PRKAR2B: variants seen among roughly 807,000 people sequenced by gnomAD.
The protein encoded by PRKAR2B is cAMP-dependent protein kinase type II-beta regulatory subunit.
Under a neutral mutation model 49.9 loss-of-function variants are expected in PRKAR2B, and 14 were observed. That is an observed-to-expected ratio of 0.28 (90% CI 0.19 to 0.44). The LOEUF (loss-of-function observed/expected upper bound fraction) is 0.44. Ranked by LOEUF, PRKAR2B falls within the 20% of genes least tolerant of loss-of-function variation. The pLI is 1.00. For synonymous variants in PRKAR2B, 196 were observed against 197.7 expected, an observed-to-expected ratio of 0.99 and a Z score of 0.07; for missense variants, 393 against 537.9, an observed-to-expected ratio of 0.73 and a Z score of 2.67.
chr7:107,064,004 A>G (rs1794079396), intron 1 of PRKAR2B, among the ~76,000 whole-genome samples: 1 of 152,154 alleles, frequency 6.6e-6, no homozygotes, highest in African/African-American at 2.4e-5. Flanking sequence ...GAGAAGCAGA[A>G]AGTGAATTTA....
intron 3 of PRKAR2B, among the ~76,000 whole-genome samples, chr7:107,125,692 C>G (rs1281389472): frequency 6.6e-6 from 1 of 152,070 alleles, no homozygotes; most frequent in Non-Finnish European, 1.5e-5. Context: ...AGAGTGGACT[C>G]TGAGTGCTGA....
intron 1 of PRKAR2B, among the ~76,000 whole-genome samples, chr7:107,066,352 G>A (rs1005761266): frequency 2.0e-5 from 3 of 148,950 alleles, no homozygotes; most frequent in Admixed American, 1.3e-4. Context: ...AATATCCACA[G>A]AATAAGAAAA....
chr7:107,078,869 A>G (rs1794459045), intron 2 of PRKAR2B, among the ~76,000 whole-genome samples: 1 of 152,226 alleles, frequency 6.6e-6, no homozygotes, highest in South Asian at 2.1e-4. Flanking sequence ...AGAAAGGAAG[A>G]TAGTGAAAGC....
At chr7:107,150,747 G>A (rs1440893741) in intron 6 of PRKAR2B, among the ~76,000 whole-genome samples, 175 bp from the exon 7 acceptor site, 1 of 148,550 alleles carries the variant, frequency 6.7e-6, no homozygotes, top group Non-Finnish European at 1.5e-5. Flanking sequence ...ATGTGGTTCT[G>A]TATTATATTT....
At chr7:107,147,031 G>T (rs1795906116) in intron 6 of PRKAR2B, among the ~76,000 whole-genome samples, 1 of 151,990 alleles carries the variant, frequency 6.6e-6, no homozygotes, top group East Asian at 1.9e-4. Flanking sequence ...GGGAAAAAAT[G>T]CTTGGTGGCT....
chr7:107,070,389 G>C, intron 2 of PRKAR2B, 73 bp downstream of exon 2: 1 of 1,331,100 alleles, frequency 7.5e-7, no homozygotes, highest in African/African-American at 1.5e-5. Context: ...GGACAAGAAG[G>C]TACAAAGAAT....
At chr7:107,063,992 T>C (rs950031995) in intron 1 of PRKAR2B, among the ~76,000 whole-genome samples, 2 of 152,178 alleles carry the variant, frequency 1.3e-5, no homozygotes, top group Admixed American at 6.5e-5. Context: ...GTTTTGTGTA[T>C]GGAGAAGCAG....
At chr7:107,146,976 T>C (rs187925856) in intron 6 of PRKAR2B, among the ~76,000 whole-genome samples, 70 of 152,300 alleles carry the variant, frequency 4.6e-4, no homozygotes, top group African/African-American at 1.6e-3. Context: ...CTCTTGGTGC[T>C]ATAAATTGAT....
intron 1 of PRKAR2B, among the ~76,000 whole-genome samples, chr7:107,069,053 G>A: frequency 6.6e-6 from 1 of 152,086 alleles, no homozygotes; most frequent in East Asian, 1.9e-4. Flanking sequence ...TCCTGCCCCA[G>A]CCTCCCAAGT....
In PRKAR2B at chr7:107,153,205, T is replaced by C. The variant is rs148976844; in HGVS notation, c.872T>C (p.Val291Ala). ...TCTGAACGCCTGAAAGTAGTAGATG[T>C]GATAGGCACCAAAGTATACAACGAT... ...EFSERLKVVD[V>A]IGTKVYNDGE... The change falls in exon 8 of 11, where the codon GTG becomes GCG. Residue 291 changes from valine (V) to alanine (A), a missense_variant. By Grantham distance (64) the Val-to-Ala change is moderately conservative (BLOSUM62 0). Transcript: ENST00000265717. The C allele has an allele frequency of 5.0e-6, 8 of 1,609,430 alleles. No homozygotes were observed. In the African/African-American group the frequency reaches 1.1e-4, roughly 22 times the overall value.
chr7:107,132,703 A>G (rs1170472943), intron 4 of PRKAR2B, among the ~76,000 whole-genome samples: 2 of 152,158 alleles, frequency 1.3e-5, no homozygotes, highest in Non-Finnish European at 2.9e-5. Context: ...CTGAAATGGG[A>G]AAACTTGAAG....
chr7:107,136,228 C>T (rs1396931333), intron 4 of PRKAR2B, among the ~76,000 whole-genome samples: 3 of 152,038 alleles, frequency 2.0e-5, no homozygotes, highest in Admixed American at 6.5e-5. Context: ...AATTCCTAGG[C>T]GATAACATGG....
intron 2 of PRKAR2B, among the ~76,000 whole-genome samples, chr7:107,080,457 A>G (rs1328896078): frequency 6.6e-6 from 1 of 152,176 alleles, no homozygotes; most frequent in Non-Finnish European, 1.5e-5. Flanking sequence ...AGCAATTACC[A>G]TTGCCAGGGA....
chr7:107,129,433 T>G (rs1247550361), intron 4 of PRKAR2B, among the ~76,000 whole-genome samples: 3 of 152,184 alleles, frequency 2.0e-5, no homozygotes, highest in Non-Finnish European at 4.4e-5. Flanking sequence ...GGGCAGGAAC[T>G]GTGTCTTTTG....
At chr7:107,099,936 T>C (rs1794926788) in intron 2 of PRKAR2B, among the ~76,000 whole-genome samples, 1 of 152,138 alleles carries the variant, frequency 6.6e-6, no homozygotes, top group South Asian at 2.1e-4. Context: ...GCCCGGCCAG[T>C]CCTGTGCCCA....
chr7:107,102,902 C>T (rs145556744), intron 2 of PRKAR2B, among the ~76,000 whole-genome samples: 1,522 of 152,198 alleles, frequency 0.01, 29 homozygotes, highest in African/African-American at 0.034. Context: ...AACTTCTGAC[C>T]TCAGGTGATC....
At chr7:107,119,252 A>G (rs1795345295) in intron 2 of PRKAR2B, among the ~76,000 whole-genome samples, 1 of 152,120 alleles carries the variant, frequency 6.6e-6, no homozygotes, top group South Asian at 2.1e-4. Flanking sequence ...TTAACCAAAT[A>G]TCTTGCCTAC....
chr7:107,130,758 A>G (rs1273103440), intron 4 of PRKAR2B, among the ~76,000 whole-genome samples: 1 of 152,194 alleles, frequency 6.6e-6, no homozygotes, highest in Non-Finnish European at 1.5e-5. Flanking sequence ...TATGGATCCC[A>G]TGTTCTCTAA....
intron 4 of PRKAR2B, among the ~76,000 whole-genome samples, chr7:107,139,450 A>T (rs1425365928): frequency 6.6e-6 from 1 of 152,176 alleles, no homozygotes; most frequent in African/African-American, 2.4e-5. Flanking sequence ...GGCATTCTGT[A>T]TTAGGGTAGA....
Sources: allele counts gnomAD v4.1 joint callset (sites outside exome capture counted in the v4.1 genomes callset), GRCh38; gene constraint gnomAD v4.1.1; transcripts MANE v1.5; gene names NCBI Gene and HGNC (gene_info 2026-07-23, HGNC 2026-07-21).